The following KIAA2012 variants were observed in gnomAD, a reference collection of about 807,000 sequenced individuals.
KIAA2012 encodes KIAA2012, also known as uncharacterized protein KIAA2012.
In KIAA2012, 125 loss-of-function variants were observed where a neutral mutation model predicts 150.6. That is an observed-to-expected ratio of 0.83 (90% CI 0.72 to 0.96). KIAA2012 has a LOEUF of 0.96. Among genes scored for constraint, KIAA2012 ranks in the 40% least tolerant of loss-of-function variants. The probability of loss-of-function intolerance (pLI) is 0.00; values close to 1 mark genes in which losing one functional copy is unlikely to be tolerated. For synonymous variants in KIAA2012, 462 were observed against 504.7 expected (o/e 0.92, Z 1.13); for missense variants, 1,219 against 1,354.9 (o/e 0.90, Z 1.57).
chr2:202,160,037 C>T (rs1006310095), intron 14 of KIAA2012, among the ~76,000 whole-genome samples: 2 of 152,116 alleles, frequency 1.3e-5, no homozygotes, highest in Admixed American at 1.3e-4. Flanking sequence ...TTCCTGTCAC[C>T]CTTCCCAGTA....
In KIAA2012 at chr2:202,150,091, A is replaced by G. The variant is rs78293144; in HGVS notation, c.1909-4582A>G. Among the ~76,000 whole-genome samples the G allele has an allele frequency of 1.1e-3, 167 of 152,362 alleles. 1 individual carries two copies. In the East Asian group the frequency reaches 0.03, roughly 27 times the overall value. On this transcript the variant is annotated intron_variant, in intron 13 of 23. Coordinates refer to ENST00000498697, the MANE Select transcript of KIAA2012 (RefSeq NM_001277372.4). ...ATCACATTGTGTTTACAGCAAGATA[A>G]TAATCCTGGATTTTCCATGGCTCAC...
At chr2:202,192,243 A>AGTT (rs2105748521) in intron 19 of KIAA2012, among the ~76,000 whole-genome samples, 1 of 152,282 alleles carries the variant, frequency 6.6e-6, no homozygotes, top group East Asian at 1.9e-4. Flanking sequence ...TTTTTCTCTG[A>AGTT]GTTGGATACA....
chr2:202,182,759 G>A (rs974107116), intron 15 of KIAA2012, among the ~76,000 whole-genome samples: 6 of 152,090 alleles, frequency 3.9e-5, no homozygotes, highest in African/African-American at 1.4e-4. Context: ...TTTCCTTAGT[G>A]GTTGTACCAT....
At position 202,075,215 on chromosome 2, in the gene KIAA2012, T is replaced by C. The variant is rs1300285914; in HGVS notation, c.369+40T>C. On this transcript the variant is annotated intron_variant, in intron 2 of 23. Coordinates refer to ENST00000498697, the MANE Select transcript of KIAA2012 (RefSeq NM_001277372.4). The stretch of plus-strand genomic sequence containing the variant: ...CCCTTGGGTTTGGGGAAGGTGCTGG[T>C]AGCATGTCTAGAAACCCAGTTGCAG... 2.2e-5 allele frequency: 33 copies of C among 1,488,806 alleles called. No homozygotes were observed. The East Asian group carries it at 7.9e-4, about 36-fold the overall frequency. The allele number at this position is 1,488,806 out of a possible 1,614,324, so 92.2% of individuals were successfully genotyped here.
intron 12 of KIAA2012, chr2:202,136,362 G>A (rs1012308847): frequency 1.1e-4 from 17 of 154,176 alleles, no homozygotes; most frequent in Non-Finnish European, 1.9e-4. Flanking sequence ...CCTGTCTGGC[G>A]TTGTTCGTCC....
At chr2:202,083,750 A>G (rs10202650) in intron 2 of KIAA2012, among the ~76,000 whole-genome samples, 94,508 of 135,178 alleles carry the variant, frequency 0.7, 32,262 homozygotes, top group Non-Finnish European at 0.79. Flanking sequence ...TTACAAGGAT[A>G]TGGCCAGGGG....
intron 11 of KIAA2012, chr2:202,114,730 A>G (rs1416482195): frequency 6.1e-6 from 1 of 163,062 alleles, no homozygotes; most frequent in African/African-American, 2.4e-5. Context: ...GTTCATTTAA[A>G]TTTTTTGAAA....
chr2:202,185,975 A>G (rs1042190085), intron 16 of KIAA2012, among the ~76,000 whole-genome samples: 1 of 152,212 alleles, frequency 6.6e-6, no homozygotes, highest in African/African-American at 2.4e-5. Context: ...AGAGCACAGT[A>G]AAGAGAATAC....
At chr2:202,077,185 C>T (rs184187892) in intron 2 of KIAA2012, 82 of 381,474 alleles carry the variant, frequency 2.1e-4, no homozygotes, top group Middle Eastern at 1.6e-3. Context: ...GTTGCCCCCC[C>T]AGCTGTTTGG....
At chr2:202,148,629 G>A (rs1279458177) in intron 13 of KIAA2012, among the ~76,000 whole-genome samples, 4 of 152,190 alleles carry the variant, frequency 2.6e-5, no homozygotes, top group Non-Finnish European at 2.9e-5. Flanking sequence ...GTGGAAGCCC[G>A]CTGTGGCTCG....
At chr2:202,185,359 C>T (rs1331859885) in intron 16 of KIAA2012, among the ~76,000 whole-genome samples, 2 of 152,122 alleles carry the variant, frequency 1.3e-5, no homozygotes, top group East Asian at 1.9e-4. Flanking sequence ...TGGCAGCTGG[C>T]GTGGCCTCTC....
chr2:202,180,897 C>T (rs1010965125), intron 15 of KIAA2012, among the ~76,000 whole-genome samples: 2 of 152,084 alleles, frequency 1.3e-5, no homozygotes, highest in African/African-American at 4.8e-5. Context: ...AAAATAGAAG[C>T]GATATGAATT....
intron 15 of KIAA2012, among the ~76,000 whole-genome samples, chr2:202,184,515 C>G (rs1436184173): frequency 6.6e-6 from 1 of 152,058 alleles, no homozygotes; most frequent in African/African-American, 2.4e-5. Flanking sequence ...TTTTTCTGAT[C>G]ACTGATACAT....
intron 2 of KIAA2012, among the ~76,000 whole-genome samples, chr2:202,082,280 A>C (rs1689467575): frequency 6.6e-6 from 1 of 152,136 alleles, no homozygotes; most frequent in South Asian, 2.1e-4. Flanking sequence ...ACTTGAGCCC[A>C]AGAGATCGAG....
At chr2:202,082,443 C>G (rs766258415) in intron 2 of KIAA2012, among the ~76,000 whole-genome samples, 1 of 152,028 alleles carries the variant, frequency 6.6e-6, no homozygotes, top group Non-Finnish European at 1.5e-5. Context: ...CCATGGGTTG[C>G]CTGCCTTTTC....
intron 11 of KIAA2012, among the ~76,000 whole-genome samples, chr2:202,119,326 T>C (rs2105933491): frequency 1.3e-5 from 2 of 152,356 alleles, no homozygotes; most frequent in Middle Eastern, 6.8e-3. Flanking sequence ...TATTCATTTT[T>C]TGAAGAAAAA....
intron 13 of KIAA2012, among the ~76,000 whole-genome samples, chr2:202,153,848 C>A (rs1216706898): frequency 2.6e-5 from 4 of 152,200 alleles, no homozygotes; most frequent in African/African-American, 9.6e-5. Flanking sequence ...GAGAGATCAT[C>A]CAGGGCCAGG....
At chr2:202,129,615 T>C (rs3845798) in intron 12 of KIAA2012, among the ~76,000 whole-genome samples, 45,135 of 151,756 alleles carry the variant, frequency 0.3, 6,894 homozygotes, top group South Asian at 0.33. Context: ...ATTGTGTAGA[T>C]GGTAGTCTTT....
intron 2 of KIAA2012, among the ~76,000 whole-genome samples, chr2:202,079,527 C>T (rs1397978120): frequency 1.3e-5 from 2 of 152,182 alleles, no homozygotes; most frequent in Non-Finnish European, 2.9e-5. Context: ...CACAACACCT[C>T]CAACTCCCTG....
Sources: allele counts gnomAD v4.1 joint callset (sites outside exome capture counted in the v4.1 genomes callset), GRCh38; gene constraint gnomAD v4.1.1; transcripts MANE v1.5; gene names NCBI Gene and HGNC (gene_info 2026-07-23, HGNC 2026-07-21).